Variants in SMIM31 observed in about 807,000 individuals in gnomAD.
The protein encoded by SMIM31 is small integral membrane protein 31, also known as human epithelial cell program regulator.
chr4:164,789,326 G>A (rs1022142674), intron 2 of SMIM31, among the ~76,000 whole-genome samples: 1 of 152,162 alleles, frequency 6.6e-6, no homozygotes, highest in Non-Finnish European at 1.5e-5. Context: ...CTCAGGCAAA[G>A]ACCTCAGTCT....
Position 164,758,622 on chromosome 4 carries a change from C to CTTTTTTTT in SMIM31, c.-26+4218_-26+4219insTTTTTTTT, listed in dbSNP as rs779023276. 2.4e-4 allele frequency among the ~76,000 whole-genome samples: 25 copies of CTTTTTTTT among 105,418 alleles called. 1 individual carries two copies. Among genetic ancestry groups the CTTTTTTTT allele is most frequent in the Non-Finnish European group, 3.9e-4 (20 of 51,324 alleles). 69.2% of individuals were successfully genotyped at this position (105,418 alleles called of 152,430 possible). A position where few individuals can be genotyped will look rare whatever the true frequency, so the allele number is the denominator to read the frequency against. On this transcript the variant is annotated intron_variant, in intron 1 of 2. Coordinates refer to ENST00000507311, the MANE Select transcript of SMIM31 (RefSeq NM_001352885.1). Reference sequence around the variant, plus strand: ...GGAAATGACCATATATGTAGTTTTCCTTTTTTTGTTTTTTTTTTTTTTTTT... The same window carrying CTTTTTTTT: ...GGAAATGACCATATATGTAGTTTTCCTTTTTTTTTTTTTTTGTTTTTTTTTTTTTTTTT...
intron 2 of SMIM31, among the ~76,000 whole-genome samples, chr4:164,787,554 T>TTTA (rs373872351): frequency 6.6e-6 from 1 of 151,490 alleles, no homozygotes; most frequent in African/African-American, 2.4e-5. Context: ...TTTTTTTTTT[T>TTTA]AAAGCTAAAA....
intron 2 of SMIM31, among the ~76,000 whole-genome samples, chr4:164,788,231 T>C (rs1274320769): frequency 6.6e-6 from 1 of 152,160 alleles, no homozygotes; most frequent in Non-Finnish European, 1.5e-5. Context: ...TTGCTCCCTC[T>C]AACCCTTGAG....
At chr4:164,770,284 A>G (rs1357434318) in intron 1 of SMIM31, 135 bp from the exon 2 acceptor site, 2 of 390,776 alleles carry the variant, frequency 5.1e-6, no homozygotes, top group African/African-American at 4.1e-5. Context: ...TGCCAAATAC[A>G]TTGTTCCAGG....
chr4:164,759,973 G>A (rs746064810), intron 1 of SMIM31, among the ~76,000 whole-genome samples: 3 of 152,184 alleles, frequency 2.0e-5, no homozygotes, highest in Non-Finnish European at 4.4e-5. Flanking sequence ...CTGAGCAAAG[G>A]CTTGAAGGAG....
intron 1 of SMIM31, among the ~76,000 whole-genome samples, chr4:164,765,459 G>A (rs981096986): frequency 3.9e-5 from 6 of 152,124 alleles, no homozygotes; most frequent in African/African-American, 1.4e-4. Context: ...GATAATTCAA[G>A]GCTTTGTTTA....
chr4:164,781,377 A>G (rs1028644846), intron 2 of SMIM31, among the ~76,000 whole-genome samples: 12 of 152,370 alleles, frequency 7.9e-5, no homozygotes, highest in African/African-American at 2.6e-4. Flanking sequence ...TTGCCAAAAA[A>G]TGAGAACAGC....
At chr4:164,776,272 G>A (rs1054469099) in intron 2 of SMIM31, among the ~76,000 whole-genome samples, 1 of 152,058 alleles carries the variant, frequency 6.6e-6, no homozygotes, top group African/African-American at 2.4e-5. Flanking sequence ...TCATCACCTT[G>A]TACTATTGGT....
intron 1 of SMIM31, among the ~76,000 whole-genome samples, chr4:164,765,555 G>A (rs1360567094): frequency 3.4e-5 from 5 of 145,712 alleles, no homozygotes; most frequent in African/African-American, 1.3e-4. Context: ...ATTTAAATTA[G>A]ATAAGCATTC....
At position 164,759,071 on chromosome 4, in the gene SMIM31, T is replaced by C. The variant is rs1040197998; in HGVS notation, c.-26+4660T>C. ...TGGGATAAACCCTGCTTACTCATTA[T>C]AGTATCCTTTTATGTACATTGCTGG... On this transcript the variant is annotated intron_variant, in intron 1 of 2. Coordinates refer to ENST00000507311, the MANE Select transcript of SMIM31 (RefSeq NM_001352885.1). Among the ~76,000 whole-genome samples the C allele has an allele frequency of 2.6e-5, 4 of 152,086 alleles. No individual in the cohort carries two copies. The South Asian group carries it at 8.3e-4, about 32-fold the overall frequency.
intron 2 of SMIM31, among the ~76,000 whole-genome samples, chr4:164,781,009 A>G (rs932457640): frequency 1.3e-5 from 2 of 152,046 alleles, no homozygotes; most frequent in African/African-American, 2.4e-5. Context: ...GGGTCTTGCT[A>G]TGTTGCCCAG....
At chr4:164,760,190 A>T (rs527782708) in intron 1 of SMIM31, among the ~76,000 whole-genome samples, 1 of 152,342 alleles carries the variant, frequency 6.6e-6, no homozygotes, top group African/African-American at 2.4e-5. Context: ...GGGTCTTCCA[A>T]CAGGACATTT....
chr4:164,771,421 T>C (rs988136359), intron 2 of SMIM31, among the ~76,000 whole-genome samples: 2 of 152,284 alleles, frequency 1.3e-5, no homozygotes, highest in African/African-American at 4.8e-5. Context: ...CCGGAGGTAG[T>C]GAGTTCAAGG....
intron 1 of SMIM31, among the ~76,000 whole-genome samples, chr4:164,759,087 A>G (rs1357725571): frequency 6.6e-6 from 1 of 151,982 alleles, no homozygotes; most frequent in Non-Finnish European, 1.5e-5. Flanking sequence ...CCTTTTATGT[A>G]CATTGCTGGA....
At chr4:164,768,408 G>A (rs752302455) in intron 1 of SMIM31, among the ~76,000 whole-genome samples, 2 of 123,996 alleles carry the variant, frequency 1.6e-5, no homozygotes, top group Non-Finnish European at 3.3e-5. Flanking sequence ...CAGCCTGGGT[G>A]ACGAGCAACA....
chr4:164,764,928 A>G (rs1037189972), intron 1 of SMIM31, among the ~76,000 whole-genome samples: 1 of 152,236 alleles, frequency 6.6e-6, no homozygotes, highest in Non-Finnish European at 1.5e-5. Context: ...AGGGTTATCC[A>G]GAGATTAAAC....
chr4:164,755,619 T>G (rs972186746), intron 1 of SMIM31, among the ~76,000 whole-genome samples: 1 of 138,396 alleles, frequency 7.2e-6, no homozygotes, highest in Admixed American at 7.9e-5. Flanking sequence ...GTTCTAGATA[T>G]TCAACCTGCA....
intron 2 of SMIM31, among the ~76,000 whole-genome samples, chr4:164,779,310 G>A (rs1020779398): frequency 1.3e-4 from 20 of 152,118 alleles, no homozygotes; most frequent in African/African-American, 3.4e-4. Context: ...ATAGTTCTGC[G>A]GGTGCCAAAG....
intron 2 of SMIM31, among the ~76,000 whole-genome samples, chr4:164,782,028 C>T (rs1453483155): frequency 1.3e-5 from 2 of 152,120 alleles, no homozygotes; most frequent in Non-Finnish European, 2.9e-5. Flanking sequence ...TGGTGGCTCA[C>T]TCCTGTAATC....
Sources: allele counts gnomAD v4.1 joint callset (sites outside exome capture counted in the v4.1 genomes callset), GRCh38; gene constraint gnomAD v4.1.1; transcripts MANE v1.5; gene names NCBI Gene and HGNC (gene_info 2026-07-23, HGNC 2026-07-21).